Variants in MYRFL observed in about 807,000 individuals in gnomAD.
The protein encoded by MYRFL is myelin regulatory factor like, also known as myelin regulatory factor-like protein.
In MYRFL, 88 loss-of-function variants were observed where a neutral mutation model predicts 109.4. That is an observed-to-expected ratio of 0.80 (90% CI 0.68 to 0.96). MYRFL has a LOEUF of 0.96. MYRFL is among the 40% of genes least tolerant of loss of function. The pLI, the probability that MYRFL is intolerant of heterozygous loss-of-function variation, is 0.00. For synonymous variants in MYRFL, 324 were observed against 320.9 expected, an observed-to-expected ratio of 1.01 and a Z score of -0.10; for missense variants, 957 against 954.9, an observed-to-expected ratio of 1.00 and a Z score of -0.03.
Position 69,890,972 on chromosome 12 carries a change from C to A in MYRFL, c.709C>A (p.Pro237Thr). 1 of 1,493,462 alleles carries A rather than the reference C, an allele frequency of 6.7e-7. No individual in the cohort carries two copies. Among genetic ancestry groups the A allele is most frequent in the Non-Finnish European group, 8.9e-7 (1 of 1,127,190 alleles). The allele number at this position is 1,493,462 out of a possible 1,614,324, so 92.5% of individuals were successfully genotyped here. A position where few individuals can be genotyped will look rare whatever the true frequency, so the allele number is the denominator to read the frequency against. Residue 237 changes from proline to threonine, a missense_variant and splice_region_variant, in exon 7 of 25, where the codon CCT becomes ACT. Coordinates refer to ENST00000552032, the MANE Select transcript of MYRFL (RefSeq NM_182530.3). ...SLLNSHYEKLPDVGYRVVTDK... is the reference protein window; with the variant it reads ...SLLNSHYEKLTDVGYRVVTDK... ...GTTTCTTGGTTTCTCTTTTCATAGA[C>A]CTGATGTGGGCTATCGAGTTGTAAC...
Position 69,897,217 on chromosome 12 carries a change from G to T in MYRFL, c.1153G>T (p.Ala385Ser), listed in dbSNP as rs1954024432. 3 of 1,535,788 alleles carry T rather than the reference G, an allele frequency of 2.0e-6. No homozygotes were observed. The highest frequency in any genetic ancestry group is 2.4e-5 in the South Asian group (2 of 84,054). ...ANQDQFYLLS[A>S]HISERIIVRA... ...CCAAGACCAGTTCTATCTGTTGTCT[G>T]CCCACATCTCTGAAAGGATCATTGT... Residue 385 changes from alanine (A) to serine (S), a missense_variant, in exon 10 of 25, where the codon GCC (alanine) becomes TCC (serine). Ala to Ser is a moderately conservative substitution (Grantham distance 99, BLOSUM62 1). Transcript: ENST00000552032.
intron 5 of MYRFL, among the ~76,000 whole-genome samples, chr12:69,883,530 C>T (rs937218581): frequency 5.3e-5 from 8 of 152,004 alleles, no homozygotes; most frequent in African/African-American, 1.7e-4. Flanking sequence ...CCATTTGCAA[C>T]ACTAATGAAT....
chr12:69,860,140 C>T (rs1234454621), intron 2 of MYRFL, among the ~76,000 whole-genome samples: 1 of 152,064 alleles, frequency 6.6e-6, no homozygotes, highest in African/African-American at 2.4e-5. Context: ...GTATGTTGTT[C>T]CCCCTTGTGT....
chr12:69,832,490 C>A (rs1376408155), intron 1 of MYRFL, among the ~76,000 whole-genome samples: 1 of 151,996 alleles, frequency 6.6e-6, no homozygotes, highest in African/African-American at 2.4e-5. Flanking sequence ...GAAAATAAAA[C>A]CGGATGGTGG....
chr12:69,910,949 T>C lies in MYRFL; in HGVS notation c.1602+19T>C. On this transcript the variant is annotated intron_variant, in intron 13 of 24. Transcript: ENST00000552032. ...GGATAAGGTAATCACTGAAAAGATA[T>C]CAGCTGCTATAAGCTATCAGTCTAG... 10 of 1,494,970 alleles carry C rather than the reference T, an allele frequency of 6.7e-6. No individual in the cohort carries two copies. Among genetic ancestry groups the C allele is most frequent in the South Asian group, 6.0e-5 (5 of 83,070 alleles). 92.6% of individuals were successfully genotyped at this position (1,494,970 alleles called of 1,614,324 possible).
chr12:69,936,992 G>C (rs1248721693), intron 19 of MYRFL, among the ~76,000 whole-genome samples: 2 of 152,142 alleles, frequency 1.3e-5, no homozygotes, highest in Non-Finnish European at 2.9e-5. Context: ...TGGGCTCTCT[G>C]CCTAAACTGA....
rs1955439351 is a variant in MYRFL, at chr12:69,935,930, AG to A, written c.1917-182del. Reference sequence around the variant, plus strand: ...TCTGAGCTCTTTTTCTCTCCAGGGCAGAAAAGCATAACTGTGCTGGTTTCCA... The same window carrying A: ...TCTGAGCTCTTTTTCTCTCCAGGGCAAAAAGCATAACTGTGCTGGTTTCCA... On this transcript the variant is annotated intron_variant, in intron 16 of 24. Coordinates refer to ENST00000552032, the MANE Select transcript of MYRFL (RefSeq NM_182530.3). 20 of 670,656 alleles carry A rather than the reference AG, an allele frequency of 3.0e-5. No individual in the cohort carries two copies. The South Asian group carries it at 4.4e-4, about 15-fold the overall frequency. The allele number at this position is 670,656 out of a possible 1,614,324, so 41.5% of individuals were successfully genotyped here.
At position 69,910,844 on chromosome 12, in the gene MYRFL, G is replaced by C; in HGVS notation, c.1516G>C (p.Glu506Gln). The C allele has an allele frequency of 6.5e-7, 1 of 1,535,322 alleles. No individual in the cohort carries two copies. The highest frequency in any genetic ancestry group is 1.2e-5 in the South Asian group (1 of 84,024). Residue 506 changes from glutamate to glutamine, a missense_variant, in exon 13 of 25, where the codon GAA (glutamate) becomes CAA (glutamine). Glu to Gln is a conservative substitution (Grantham distance 29). Coordinates refer to ENST00000552032, the MANE Select transcript of MYRFL (RefSeq NM_182530.3). ...AGGAATGATTGCCCAGGAGGTGCAA[G>C]AAATCCTGCCCAGAGCAGTAAGAGA... ...QTGMIAQEVQ[E>Q]ILPRAVREVG...
rs2120568341 is a variant in MYRFL at position 69,957,875 on chromosome 12, G to A, written c.2504G>A (p.Cys835Tyr). 6.5e-7 allele frequency: 1 copy of A among 1,534,770 alleles called. No individual in the cohort carries two copies. ...FQCKFTLGNI[C>Y]FHSKRGTKGL... ...TGCAAATTCACCCTTGGAAATATAT[G>A]TTTCCATAGTAAAAGGGGAACCAAA... Residue 835 changes from cysteine to tyrosine, a missense_variant, in exon 23 of 25, where the codon TGT becomes TAT. By Grantham distance (194) the Cys-to-Tyr change is radical. Coordinates refer to ENST00000552032, the MANE Select transcript of MYRFL (RefSeq NM_182530.3).
intron 13 of MYRFL, among the ~76,000 whole-genome samples, chr12:69,920,114 G>A (rs1286654888): frequency 6.6e-6 from 1 of 152,160 alleles, no homozygotes; most frequent in East Asian, 1.9e-4. Flanking sequence ...AGTGGGTGAG[G>A]TGAGAGGGAA....
At chr12:69,838,518 T>G (rs17107153) in intron 1 of MYRFL, among the ~76,000 whole-genome samples, 13,633 of 152,258 alleles carry the variant, frequency 0.09, 1,073 homozygotes, top group East Asian at 0.41. Flanking sequence ...TAAAAGAAAT[T>G]GTCAGCTTCT....
At chr12:69,857,682 T>C (rs748667050) in intron 2 of MYRFL, among the ~76,000 whole-genome samples, 3 of 151,880 alleles carry the variant, frequency 2.0e-5, no homozygotes, top group Non-Finnish European at 4.4e-5. Context: ...TCATCATTAG[T>C]ATATGGAAAT....
chr12:69,926,744 G>C lies in MYRFL; in HGVS notation c.1766+10G>C. The C allele has an allele frequency of 7.0e-7, 1 of 1,423,136 alleles. No individual in the cohort carries two copies. The highest frequency in any genetic ancestry group is 9.2e-7 in the Non-Finnish European group (1 of 1,086,948). The allele number at this position is 1,423,136 out of a possible 1,614,324, so 88.2% of individuals were successfully genotyped here. Reference sequence around the variant, plus strand: ...AAGCAAGCACAATCAGGTACGTGCAGCCAGGATTGCCATAGAAATTTGGGG... The same window carrying C: ...AAGCAAGCACAATCAGGTACGTGCACCCAGGATTGCCATAGAAATTTGGGG... On this transcript the variant is annotated intron_variant, in intron 14 of 24. Coordinates refer to ENST00000552032, the MANE Select transcript of MYRFL (RefSeq NM_182530.3).
At chr12:69,837,282 C>T (rs1218261147) in intron 1 of MYRFL, among the ~76,000 whole-genome samples, 2 of 152,172 alleles carry the variant, frequency 1.3e-5, no homozygotes, top group Non-Finnish European at 1.5e-5. Context: ...TTCTATCCTC[C>T]TCTCACTCAC....
intron 19 of MYRFL, among the ~76,000 whole-genome samples, chr12:69,951,725 G>T (rs910858625): frequency 6.6e-6 from 1 of 152,182 alleles, no homozygotes; most frequent in Non-Finnish European, 1.5e-5. Flanking sequence ...ACCATGCCTG[G>T]CTCCTAATCT....
chr12:69,935,476 A>C (rs924027645), intron 16 of MYRFL, among the ~76,000 whole-genome samples: 5 of 152,212 alleles, frequency 3.3e-5, no homozygotes, highest in African/African-American at 1.2e-4. Flanking sequence ...TCTTAAGGAA[A>C]GCTTCCATTT....
chr12:69,846,467 A>T (rs1412477710), intron 1 of MYRFL, among the ~76,000 whole-genome samples: 1 of 151,084 alleles, frequency 6.6e-6, no homozygotes, highest in African/African-American at 2.4e-5. Flanking sequence ...TGTTCTTGCG[A>T]TAGTTCACTG....
chr12:69,888,132 C>T (rs949577590), intron 6 of MYRFL, among the ~76,000 whole-genome samples: 1 of 152,156 alleles, frequency 6.6e-6, no homozygotes, highest in African/African-American at 2.4e-5. Flanking sequence ...TTTGTTTGAA[C>T]AGCCTATCTT....
chr12:69,958,007 T>C, intron 23 of MYRFL, 65 bp downstream of exon 23: 7 of 1,493,272 alleles, frequency 4.7e-6, no homozygotes, highest in Non-Finnish European at 6.2e-6. Context: ...TTGCCAGTGT[T>C]TTCCCTCCCT....
Sources: allele counts gnomAD v4.1 joint callset (sites outside exome capture counted in the v4.1 genomes callset), GRCh38; gene constraint gnomAD v4.1.1; transcripts MANE v1.5; gene names NCBI Gene and HGNC (gene_info 2026-07-23, HGNC 2026-07-21).